Variants in UBE2E2 observed in about 807,000 individuals in gnomAD.
The protein encoded by UBE2E2 is ubiquitin conjugating enzyme E2 E2.
In UBE2E2, 6 loss-of-function variants were observed where a neutral mutation model predicts 24.7. The observed-to-expected ratio is 0.24, with a 90% CI of 0.13 to 0.48. The LOEUF is 0.48. UBE2E2 is among the 20% of genes least tolerant of loss of function. The pLI, the probability that UBE2E2 is intolerant of heterozygous loss-of-function variation, is 0.99. For synonymous variants in UBE2E2, 104 were observed against 83.6 expected, an observed-to-expected ratio of 1.24 and a Z score of -1.33; for missense variants, 169 against 245.0, an observed-to-expected ratio of 0.69 and a Z score of 2.07.
chr3:23,315,882 C>T (rs552660002), intron 3 of UBE2E2, among the ~76,000 whole-genome samples: 1 of 152,102 alleles, frequency 6.6e-6, no homozygotes, highest in East Asian at 1.9e-4. Flanking sequence ...TGTAGAGGTA[C>T]CATCTTGGTG....
At chr3:23,375,635 G>A (rs934096750) in intron 3 of UBE2E2, among the ~76,000 whole-genome samples, 5 of 152,130 alleles carry the variant, frequency 3.3e-5, no homozygotes, top group African/African-American at 1.2e-4. Flanking sequence ...CAGTGGATAT[G>A]TTTTAAGAGA....
At chr3:23,565,236 A>G (rs957163256) in intron 5 of UBE2E2, among the ~76,000 whole-genome samples, 1 of 152,076 alleles carries the variant, frequency 6.6e-6, no homozygotes, top group African/African-American at 2.4e-5. Context: ...GTCAAGGTAT[A>G]TGAACGTGTC....
intron 3 of UBE2E2, among the ~76,000 whole-genome samples, chr3:23,421,659 G>T (rs1697800969): frequency 6.6e-6 from 1 of 152,174 alleles, no homozygotes; most frequent in African/African-American, 2.4e-5. Flanking sequence ...GCCCACCTCG[G>T]CCTCTCAAAG....
chr3:23,501,364 T>C (rs1699717346), intron 4 of UBE2E2, among the ~76,000 whole-genome samples: 1 of 151,986 alleles, frequency 6.6e-6, no homozygotes, highest in African/African-American at 2.4e-5. Flanking sequence ...CTCCACTGAG[T>C]CGTGCACTCC....
chr3:23,345,958 C>G (rs137948910), intron 3 of UBE2E2, among the ~76,000 whole-genome samples: 1 of 152,164 alleles, frequency 6.6e-6, no homozygotes, highest in Non-Finnish European at 1.5e-5. Flanking sequence ...CAACGGCAGA[C>G]AGCAGAAACT....
intron 3 of UBE2E2, among the ~76,000 whole-genome samples, chr3:23,256,264 CTCA>C (rs1697718210): frequency 1.3e-5 from 2 of 152,110 alleles, no homozygotes. Flanking sequence ...TATTTATAGT[CTCA>C]TCATGATATT....
intron 3 of UBE2E2, among the ~76,000 whole-genome samples, chr3:23,462,711 C>T (rs1559391290): frequency 6.6e-6 from 1 of 152,116 alleles, no homozygotes; most frequent in Non-Finnish European, 1.5e-5. Context: ...CTTTTGATGC[C>T]TTCCCGTCTC....
intron 3 of UBE2E2, among the ~76,000 whole-genome samples, chr3:23,485,288 G>A (rs1575660606): frequency 6.6e-6 from 1 of 152,014 alleles, no homozygotes; most frequent in South Asian, 2.1e-4. Flanking sequence ...TAGAGACAAG[G>A]TTTCACTGTG....
intron 3 of UBE2E2, among the ~76,000 whole-genome samples, chr3:23,328,662 C>CTT (rs11433089): frequency 0.022 from 3,139 of 145,232 alleles, 58 homozygotes; most frequent in African/African-American, 0.044. Context: ...CTCTCTCTCT[C>CTT]TTTTTTTTTT....
intron 4 of UBE2E2, among the ~76,000 whole-genome samples, chr3:23,500,286 C>T (rs751014510): frequency 2.6e-5 from 4 of 151,994 alleles, no homozygotes; most frequent in Admixed American, 1.3e-4. Context: ...TAAAAAATTT[C>T]GTAAAGTATT....
intron 3 of UBE2E2, among the ~76,000 whole-genome samples, chr3:23,380,107 C>T (rs1276234714): frequency 2.1e-5 from 3 of 142,402 alleles, no homozygotes; most frequent in African/African-American, 7.7e-5. Flanking sequence ...AAAAAAAACC[C>T]TGAAATTGCG....
rs1699080239 is a variant in UBE2E2 at position 23,474,109 on chromosome 3, TG to T, written c.228-25497del. ...GCGGGAGTAAGATGGTATCGCATTGTGGTTTTGATTTGCATTTCCCTGATCA... is the reference window on the plus strand; with the variant it reads ...GCGGGAGTAAGATGGTATCGCATTGTGTTTTGATTTGCATTTCCCTGATCA... On this transcript the variant is annotated intron_variant, in intron 3 of 5. Coordinates refer to ENST00000396703, the MANE Select transcript of UBE2E2 (RefSeq NM_152653.4). The surrounding 1 kb of genome is among the most constrained non-coding windows in gnomAD (Gnocchi z 4.0). 1.3e-5 allele frequency among the ~76,000 whole-genome samples: 2 copies of T among 152,058 alleles called. No homozygotes were observed. Among genetic ancestry groups the T allele is most frequent in the Admixed American group, 1.3e-4 (2 of 15,274 alleles).
intron 3 of UBE2E2, among the ~76,000 whole-genome samples, chr3:23,453,120 A>G (rs1698602131): frequency 2.0e-5 from 3 of 152,224 alleles, no homozygotes; most frequent in African/African-American, 2.4e-5. Context: ...CTTAAGGCTT[A>G]GGCACCGAAG....
chr3:23,343,578 GA>G (rs1215850908), intron 3 of UBE2E2, among the ~76,000 whole-genome samples: 2 of 151,992 alleles, frequency 1.3e-5, no homozygotes, highest in African/African-American at 2.4e-5. Flanking sequence ...TCTAAAAAAA[GA>G]AAAAAAGTTC....
intron 5 of UBE2E2, among the ~76,000 whole-genome samples, chr3:23,582,108 A>G (rs566214789): frequency 4.6e-5 from 7 of 152,200 alleles, no homozygotes; most frequent in South Asian, 4.2e-4. Flanking sequence ...CTTTGTGTCC[A>G]TGGGTACTGA....
intron 3 of UBE2E2, among the ~76,000 whole-genome samples, chr3:23,423,816 G>T (rs1009767673): frequency 6.6e-6 from 1 of 152,062 alleles, no homozygotes; most frequent in Non-Finnish European, 1.5e-5. Context: ...CTAAATCTCC[G>T]ATCAGTAGTA....
chr3:23,443,810 A>G (rs1698360397), intron 3 of UBE2E2, among the ~76,000 whole-genome samples: 1 of 152,188 alleles, frequency 6.6e-6, no homozygotes, highest in Admixed American at 6.5e-5. Context: ...TCTACATTAT[A>G]CGTAGCTTCC....
intron 3 of UBE2E2, among the ~76,000 whole-genome samples, chr3:23,349,659 G>A (rs1253326305): frequency 8.5e-5 from 13 of 152,314 alleles, no homozygotes; most frequent in African/African-American, 1.7e-4. Context: ...ATCAAACTGC[G>A]AGGCAGCAGC....
At chr3:23,292,924 T>G (rs1464234698) in intron 3 of UBE2E2, among the ~76,000 whole-genome samples, 1 of 152,028 alleles carries the variant, frequency 6.6e-6, no homozygotes, top group Non-Finnish European at 1.5e-5. Context: ...AAATACAAAA[T>G]TAGCCGTACG....
Sources: allele counts gnomAD v4.1 joint callset (sites outside exome capture counted in the v4.1 genomes callset), GRCh38; gene constraint gnomAD v4.1.1; non-coding constraint Gnocchi (gnomAD v3.1); transcripts MANE v1.5; gene names NCBI Gene and HGNC (gene_info 2026-07-23, HGNC 2026-07-21).